ZNF462: variants seen among roughly 807,000 people sequenced by gnomAD.
ZNF462 encodes zinc finger PBX1-interacting protein.
Under a neutral mutation model 201.9 loss-of-function variants are expected in ZNF462, and 10 were observed. The ratio of observed to expected loss-of-function variants is 0.05; its 90% CI spans 0.03 to 0.08. The LOEUF (loss-of-function observed/expected upper bound fraction) is 0.08, where lower values mean the gene tolerates loss of function less well. Ranked by LOEUF, ZNF462 falls within the 10% of genes least tolerant of loss-of-function variation. ZNF462 has a pLI of 1.00. For synonymous variants in ZNF462, 1,227 were observed against 1,193.3 expected (o/e 1.03, Z -0.58); for missense variants, 2,523 against 3,168.3 (o/e 0.80, Z 4.89).
chr9:106,930,964 C>T lies in ZNF462; in HGVS notation c.6012+275C>T, dbSNP rs990645177. 4.0e-5 allele frequency: 13 copies of T among 328,038 alleles called. No homozygotes were observed. Among genetic ancestry groups the T allele is most frequent in the East Asian group, 1.1e-4 (2 of 17,492 alleles). The allele number at this position is 328,038 out of a possible 1,614,324, so 20.3% of individuals were successfully genotyped here. Reference sequence around the variant, plus strand: ...ATTCTCGGTCTAGGAGGCTTCGGGTCGTCCTTCTATTCTGCGTTTAGTGCC... The same window carrying T: ...ATTCTCGGTCTAGGAGGCTTCGGGTTGTCCTTCTATTCTGCGTTTAGTGCC... On this transcript the variant is annotated intron_variant, in intron 4 of 12. Transcript: ENST00000277225. This position sits in a 1 kb window ranked among gnomAD's most constrained non-coding sequence, Gnocchi z 5.8.
At chr9:107,000,092 T>C (rs1287529135) in intron 10 of ZNF462, among the ~76,000 whole-genome samples, 1 of 151,674 alleles carries the variant, frequency 6.6e-6, no homozygotes, top group Non-Finnish European at 1.5e-5. Flanking sequence ...GGCTAGGAGA[T>C]TAAGGACTCA....
In ZNF462 at chr9:106,923,507, A is replaced by C. The variant is rs755731804; in HGVS notation, c.124A>C (p.Asn42His). The change falls in exon 2 of 13, where the codon AAT becomes CAT. Residue 42 changes from asparagine to histidine, a missense_variant. Around this residue, in one of 15 missense-constraint regions of ZNF462, gnomAD observed 480 missense variants for 544.4 expected, o/e 0.88. Transcript: ENST00000277225. The surrounding 1 kb of genome is among the most constrained non-coding windows in gnomAD (Gnocchi z 5.6). Reference protein sequence around the residue: ...QPTDVAEDNVNELRCGSVNAS... With the variant: ...QPTDVAEDNVHELRCGSVNAS... ...AACTGATGTTGCTGAGGACAATGTGAATGAGCTACGATGTGGGTCCGTGAA... is the reference window on the plus strand; with the variant it reads ...AACTGATGTTGCTGAGGACAATGTGCATGAGCTACGATGTGGGTCCGTGAA... 44 of 1,614,210 alleles carry C rather than the reference A, an allele frequency of 2.7e-5. No homozygotes were observed. In the South Asian group the frequency reaches 4.8e-4, roughly 18 times the overall value.
rs994216465 is a variant in ZNF462, at chr9:106,984,462, A to G, written c.7056+53A>G. ...CTCAGCACACTTGTGGGGAGGGGCC[A>G]AGGGGGAGACACCACTGCATTTAGT... is the stretch of plus-strand genomic sequence containing the variant. On this transcript the variant is annotated intron_variant, in intron 10 of 12. Coordinates refer to ENST00000277225, the MANE Select transcript of ZNF462 (RefSeq NM_021224.6). This position sits in a 1 kb window ranked among gnomAD's most constrained non-coding sequence, Gnocchi z 6.4. 33 of 1,453,918 alleles carry G rather than the reference A, an allele frequency of 2.3e-5. No individual in the cohort carries two copies. The African/African-American group carries it at 4.1e-4, about 18-fold the overall frequency. 90.1% of individuals were successfully genotyped at this position (1,453,918 alleles called of 1,614,324 possible). A position where few individuals can be genotyped will look rare whatever the true frequency, so the allele number is the denominator to read the frequency against.
At chr9:106,861,024 C>T (rs1827051594), upstream of ZNF462, among the ~76,000 whole-genome samples, 2 of 152,006 alleles carry the variant, frequency 1.3e-5, no homozygotes, top group Middle Eastern at 3.2e-3. Flanking sequence ...ACTTCTCTTC[C>T]CTCTCCTCGC....
At chr9:106,893,554 T>G (rs1329151973) in intron 1 of ZNF462, among the ~76,000 whole-genome samples, 1 of 152,174 alleles carries the variant, frequency 6.6e-6, no homozygotes, top group African/African-American at 2.4e-5. Flanking sequence ...CATAATTGTT[T>G]CCATTTGTCT....
intron 1 of ZNF462, among the ~76,000 whole-genome samples, chr9:106,911,782 T>A (rs923240867): frequency 7.2e-5 from 11 of 152,210 alleles, no homozygotes. Flanking sequence ...GAAGATAGTT[T>A]AAAAGTTAAA....
rs775687483 is a variant in ZNF462 at position 106,928,302 on chromosome 9, G to A, written c.4390G>A (p.Ala1464Thr). ...KSLQLASANPAISSTPYQCTV... is the reference protein window; with the variant it reads ...KSLQLASANPTISSTPYQCTV... Reference sequence around the variant, plus strand: ...CCTGCAGCTAGCTTCAGCCAACCCCGCCATATCCTCCACCCCATACCAGTG... The same window carrying A: ...CCTGCAGCTAGCTTCAGCCAACCCCACCATATCCTCCACCCCATACCAGTG... The change falls in exon 3 of 13, where the codon GCC (alanine) becomes ACC (threonine). Residue 1464 changes from alanine (A) to threonine (T), a missense_variant. This residue lies in a region of ZNF462 where 165 missense variants were observed against 142.6 expected (regional missense o/e 1.16). Coordinates refer to ENST00000277225, the MANE Select transcript of ZNF462 (RefSeq NM_021224.6). The surrounding 1 kb of genome is among the most constrained non-coding windows in gnomAD (Gnocchi z 9.3). 1.1e-5 allele frequency: 18 copies of A among 1,614,004 alleles called. No individual in the cohort carries two copies. The South Asian group carries it at 1.3e-4, about 12-fold the overall frequency.
At chr9:106,948,448 T>C (rs1390843108) in intron 7 of ZNF462, among the ~76,000 whole-genome samples, 1 of 152,172 alleles carries the variant, frequency 6.6e-6, no homozygotes, top group Non-Finnish European at 1.5e-5. Context: ...GTCACCTTCT[T>C]TTGAGATGGC....
chr9:106,877,867 G>A (rs1259839738), intron 1 of ZNF462, among the ~76,000 whole-genome samples: 2 of 152,110 alleles, frequency 1.3e-5, no homozygotes, highest in Non-Finnish European at 2.9e-5. Context: ...TAGAGATGTA[G>A]CTGTGGCTGT....
At position 107,009,770 on chromosome 9, in the gene ZNF462, G is replaced by A. The variant is rs1829815547; in HGVS notation, c.7313+102G>A. 5 of 1,515,286 alleles carry A rather than the reference G, an allele frequency of 3.3e-6. No homozygotes were observed. Among genetic ancestry groups the A allele is most frequent in the South Asian group, 1.3e-5 (1 of 79,024 alleles). 93.9% of individuals were successfully genotyped at this position (1,515,286 alleles called of 1,614,324 possible). On this transcript the variant is annotated intron_variant, in intron 12 of 12. Transcript: ENST00000277225. The surrounding 1 kb of genome is among the most constrained non-coding windows in gnomAD (Gnocchi z 6.1). Reference sequence around the variant, plus strand: ...CCCCTGACAGTATGTACACCCCTCTGTGTCACATTTCTGGGCCGTGGGAGG... The same window carrying A: ...CCCCTGACAGTATGTACACCCCTCTATGTCACATTTCTGGGCCGTGGGAGG...
intron 1 of ZNF462, among the ~76,000 whole-genome samples, chr9:106,899,380 G>A (rs976410242): frequency 2.6e-5 from 4 of 152,144 alleles, no homozygotes; most frequent in African/African-American, 9.7e-5. Context: ...TCTCGCAGAT[G>A]AGGCAGTGAG....
Position 106,929,424 on chromosome 9 carries a change from G to C in ZNF462, c.5512G>C (p.Ala1838Pro), listed in dbSNP as rs764251698. The stretch of plus-strand genomic sequence containing the variant: ...TGAGAAAGCCGAGGTGGAGGGTGAA[G>C]CTCAGGAAATCGAGTGGCTCCCATT... Reference protein sequence around the residue: ...NFEKAEVEGEAQEIEWLPFRC... With the variant: ...NFEKAEVEGEPQEIEWLPFRC... Residue 1838 changes from alanine (A) to proline (P), a missense_variant, in exon 3 of 13, where the codon GCT becomes CCT. Physicochemically the swap from Ala to Pro is conservative, Grantham distance 27. This residue lies in a region of ZNF462 where 207 missense variants were observed against 231.6 expected (regional missense o/e 0.89). Coordinates refer to ENST00000277225, the MANE Select transcript of ZNF462 (RefSeq NM_021224.6). This position sits in a 1 kb window ranked among gnomAD's most constrained non-coding sequence, Gnocchi z 8.7. 13 of 1,614,110 alleles carry C rather than the reference G, an allele frequency of 8.1e-6. No homozygotes were observed. The East Asian group carries it at 2.2e-4, about 28-fold the overall frequency.
rs1829834642 is a variant in ZNF462, at chr9:106,917,834, T to C, written c.-30-5520T>C. Among the ~76,000 whole-genome samples the C allele has an allele frequency of 6.6e-6, 1 of 150,836 alleles. No individual in the cohort carries two copies. The highest frequency in any genetic ancestry group is 1.5e-5 in the Non-Finnish European group (1 of 67,828). On this transcript the variant is annotated intron_variant, in intron 1 of 12. Coordinates refer to ENST00000277225, the MANE Select transcript of ZNF462 (RefSeq NM_021224.6). The surrounding 1 kb of genome is among the most constrained non-coding windows in gnomAD (Gnocchi z 4.5). ...GTTGCTTGTTGGTTTATTTTGCTGG[T>C]TTATTATTTTTTTATATTTATTTAT...
At chr9:106,900,805 T>C (rs115209521) in intron 1 of ZNF462, among the ~76,000 whole-genome samples, 2,725 of 152,242 alleles carry the variant, frequency 0.018, 79 homozygotes, top group African/African-American at 0.061. Context: ...GATGTATAGA[T>C]TGTGGATGAT....
At chr9:106,943,845 T>C (rs886746929) in intron 7 of ZNF462, among the ~76,000 whole-genome samples, 2 of 152,170 alleles carry the variant, frequency 1.3e-5, no homozygotes, top group East Asian at 3.8e-4. Context: ...CTAACCAAAT[T>C]ACACAGGCTG....
At chr9:106,941,046 AT>A (rs1288034624) in intron 7 of ZNF462, among the ~76,000 whole-genome samples, 1 of 152,078 alleles carries the variant, frequency 6.6e-6, no homozygotes, top group East Asian at 1.9e-4. Context: ...TTGCTGGGAC[AT>A]TTTTCTCAAT....
intron 1 of ZNF462, among the ~76,000 whole-genome samples, chr9:106,882,481 T>G (rs1482082395): frequency 2.0e-5 from 3 of 152,236 alleles, no homozygotes; most frequent in African/African-American, 7.2e-5. Flanking sequence ...ATGTAAGTTC[T>G]CAATCAAAGA....
At chr9:106,931,520 C>A (rs1830426758) in intron 4 of ZNF462, among the ~76,000 whole-genome samples, 2 of 152,224 alleles carry the variant, frequency 1.3e-5, no homozygotes, top group Non-Finnish European at 2.9e-5. Context: ...CTCTACTTTT[C>A]TTCACTGAAG....
At position 107,009,335 on chromosome 9, in the gene ZNF462, T is replaced by C; in HGVS notation, c.7190-210T>C. 1.7e-6 allele frequency: 1 copy of C among 589,510 alleles called. No homozygotes were observed. Among genetic ancestry groups the C allele is most frequent in the Non-Finnish European group, 2.8e-6 (1 of 356,352 alleles). The allele number at this position is 589,510 out of a possible 1,614,324, so 36.5% of individuals were successfully genotyped here. On this transcript the variant is annotated intron_variant, in intron 11 of 12. Transcript: ENST00000277225. This position sits in a 1 kb window ranked among gnomAD's most constrained non-coding sequence, Gnocchi z 6.1. ...TGGGGAGGTGAGGCGAAATGAGGTC[T>C]TGGGGCCCAAGAACCAGAAACAGTT...
Sources: gnomAD v4.1 joint callset for allele counts (sites outside exome capture counted in the v4.1 genomes callset) on GRCh38, gnomAD v4.1.1 for gene constraint, gnomAD v4.1.1 regional missense constraint, Gnocchi (gnomAD v3.1) non-coding constraint, MANE v1.5 for transcripts, NCBI Gene and HGNC (gene_info 2026-07-23, HGNC 2026-07-21) for gene names.